RRP12: variants seen among roughly 807,000 people sequenced by gnomAD.
The protein encoded by RRP12 is RRP12-like protein.
RRP12 carries 78 observed loss-of-function variants against 157.3 expected under a neutral mutation model. That is an observed-to-expected ratio of 0.50 (90% CI 0.41 to 0.60). The LOEUF (loss-of-function observed/expected upper bound fraction) is 0.60, where lower values mean the gene tolerates loss of function less well. Ranked by LOEUF, RRP12 falls within the 20% of genes least tolerant of loss-of-function variation. The probability of loss-of-function intolerance (pLI) is 0.00; values close to 1 mark genes in which losing one functional copy is unlikely to be tolerated. For synonymous variants in RRP12, 726 were observed against 670.9 expected, an observed-to-expected ratio of 1.08 and a Z score of -1.27; for missense variants, 1,521 against 1,679.9, an observed-to-expected ratio of 0.91 and a Z score of 1.65.
In RRP12 at chr10:97,373,144, T is replaced by C; in HGVS notation, c.2083A>G (p.Asn695Asp). The C allele has an allele frequency of 6.2e-7, 1 of 1,614,134 alleles. No homozygotes were observed. The highest frequency in any genetic ancestry group is 1.7e-5 in the Admixed American group (1 of 60,024). ...GCTGCCACGGGCTGCCCATACAGGTTGAAGAGGATCGGCAGAAAGTTCTTG... is the reference window on the plus strand; with the variant it reads ...GCTGCCACGGGCTGCCCATACAGGTCGAAGAGGATCGGCAGAAAGTTCTTG... ...FAKNFLPILFNLYGQPVAAGD... is the reference protein window; with the variant it reads ...FAKNFLPILFDLYGQPVAAGD... The change falls in exon 18 of 34, where the codon AAC (asparagine) becomes GAC (aspartate). Residue 695 changes from asparagine to aspartate, a missense_variant. By Grantham distance (23) the Asn-to-Asp change is conservative. Transcript: ENST00000370992.
intron 24 of RRP12, among the ~76,000 whole-genome samples, chr10:97,369,842 A>C (rs903456253): frequency 6.6e-6 from 1 of 152,224 alleles, no homozygotes; most frequent in East Asian, 1.9e-4. Flanking sequence ...TCTAGGTCTC[A>C]TGTGGTTGCC....
chr10:97,373,433 G>T, intron 17 of RRP12, 142 bp downstream of exon 17: 1 of 1,065,014 alleles, frequency 9.4e-7, no homozygotes, highest in East Asian at 2.6e-5. Context: ...TATCCCCTGG[G>T]GTCTGCAGCA....
chr10:97,398,020 T>TAC (rs1845024399), intron 2 of RRP12, among the ~76,000 whole-genome samples: 1 of 72,978 alleles, frequency 1.4e-5, no homozygotes, highest in Non-Finnish European at 2.9e-5. Context: ...TATATATATA[T>TAC]ATGTATATAT....
intron 4 of RRP12, chr10:97,393,448 A>G: frequency 3.0e-6 from 2 of 662,982 alleles, no homozygotes; most frequent in Non-Finnish European, 5.6e-6. Flanking sequence ...CCTTCTTGGC[A>G]TAAAGGTAAA....
chr10:97,364,704 G>A (rs906841476), intron 29 of RRP12, among the ~76,000 whole-genome samples: 6 of 152,202 alleles, frequency 3.9e-5, no homozygotes, highest in Non-Finnish European at 4.4e-5. Flanking sequence ...GTGACAGAGC[G>A]AGACTCTATC....
At chr10:97,378,387 T>C (rs1844369268) in intron 15 of RRP12, among the ~76,000 whole-genome samples, 3 of 152,218 alleles carry the variant, frequency 2.0e-5, no homozygotes, top group Non-Finnish European at 4.4e-5. Context: ...CTGGACAGCA[T>C]GTTGCTGTAC....
At chr10:97,377,329 C>T (rs1037048742) in intron 15 of RRP12, among the ~76,000 whole-genome samples, 2 of 151,904 alleles carry the variant, frequency 1.3e-5, no homozygotes, top group Admixed American at 6.6e-5. Context: ...CCAGCCTGGC[C>T]AACATGGTGA....
chr10:97,366,174 C>T lies in RRP12; in HGVS notation c.3451G>A (p.Asp1151Asn), dbSNP rs149984643. 2.6e-4 allele frequency: 415 copies of T among 1,610,268 alleles called. 1 individual carries two copies. In the South Asian group the frequency reaches 3.9e-3, roughly 15 times the overall value. Residue 1151 changes from aspartate (D) to asparagine (N), a missense_variant, in exon 29 of 34, where the codon GAT becomes AAT. By Grantham distance (23) the Asp-to-Asn change is conservative. Transcript: ENST00000370992. ...TCCTCCCTTATGATCAGCCGGCCAT[C>T]GGCGCTCACCTTGAAGCCGTGGTCC... ...KKDHGFKVSA[D>N]GRLIIREEAD... is the part of the protein sequence containing the mutation.
Position 97,388,247 on chromosome 10 carries a change from C to T in RRP12, c.1017+5G>A. On this transcript the variant is annotated splice_donor_5th_base_variant and intron_variant, in intron 8 of 33. Transcript: ENST00000370992. ...CCTTTCTCCAGCTTTTGGGCCTGAGCTCACCACATGGCTCAAGGTCATGAC... is the reference window on the plus strand; with the variant it reads ...CCTTTCTCCAGCTTTTGGGCCTGAGTTCACCACATGGCTCAAGGTCATGAC... 6.2e-7 allele frequency: 1 copy of T among 1,613,868 alleles called. No individual in the cohort carries two copies. The highest frequency in any genetic ancestry group is 8.5e-7 in the Non-Finnish European group (1 of 1,180,022).
intron 29 of RRP12, among the ~76,000 whole-genome samples, chr10:97,364,931 G>C (rs990384584): frequency 2.0e-5 from 3 of 152,174 alleles, no homozygotes; most frequent in Admixed American, 1.3e-4. Flanking sequence ...GGGGACAGGA[G>C]ATGGGAAAGT....
In RRP12 at chr10:97,388,571, G is replaced by T. The variant is rs537140850; in HGVS notation, c.807C>A (p.Phe269Leu). Residue 269 changes from phenylalanine (F) to leucine (L), a missense_variant, in exon 7 of 34, where the codon TTC (phenylalanine) becomes TTA (leucine). Transcript: ENST00000370992. ...GATGGGCAGGGGCCTTTTCAAACAT[G>T]AATTCACTGCCCTTGAGGACTGAGC... The part of the protein sequence containing the change: ...GVCSVLKGSE[F>L]MFEKAPAHHP... The T allele has an allele frequency of 6.2e-7, 1 of 1,614,174 alleles. No individual in the cohort carries two copies. The highest frequency in any genetic ancestry group is 2.2e-5 in the East Asian group (1 of 44,878).
intron 15 of RRP12, among the ~76,000 whole-genome samples, chr10:97,374,503 T>C (rs1001672792): frequency 1.3e-5 from 2 of 149,760 alleles, no homozygotes; most frequent in African/African-American, 4.9e-5. Context: ...CTGGGTGCAG[T>C]GGCTCACACC....
At chr10:97,367,721 G>A (rs777112181) in intron 25 of RRP12, among the ~76,000 whole-genome samples, 1 of 152,182 alleles carries the variant, frequency 6.6e-6, no homozygotes, top group Non-Finnish European at 1.5e-5. Flanking sequence ...CCGGCTAGGG[G>A]ATAGGGTCCA....
At chr10:97,380,972 A>G (rs895920260) in intron 12 of RRP12, 59 bp from the exon 13 acceptor site, 19 of 1,407,722 alleles carry the variant, frequency 1.3e-5, no homozygotes, top group Non-Finnish European at 1.9e-5. Flanking sequence ...CCCCCACCAG[A>G]GAAAGTCAAC....
At chr10:97,381,029 GC>G in intron 12 of RRP12, 116 bp from the exon 13 acceptor site, 1 of 753,570 alleles carries the variant, frequency 1.3e-6, no homozygotes, top group Non-Finnish European at 2.2e-6. Context: ...CAAGAATGGG[GC>G]CCCAGGAGAG....
Position 97,373,644 on chromosome 10 carries a change from C to A in RRP12, c.1957G>T (p.Glu653Ter). Residue 653 changes from glutamate to a stop codon, truncating the protein, a stop_gained, in exon 17 of 34, where the codon GAG (glutamate) becomes TAG (stop). Coordinates refer to ENST00000370992, the MANE Select transcript of RRP12 (RefSeq NM_015179.4). LOFTEE classifies it high-confidence loss of function. ...LARTLGMAIS[E>*]RPDLRVTVCQ... ...ACGGTGACCCTCAGGTCTGGACGCT[C>A]GCTGATGGCCATGCCCAGCGTCCGT... The A allele has an allele frequency of 1.2e-6, 2 of 1,613,736 alleles. No individual in the cohort carries two copies. Among genetic ancestry groups the A allele is most frequent in the Non-Finnish European group, 1.7e-6 (2 of 1,179,900 alleles).
In RRP12 at chr10:97,366,147, CCTCCTCCCTTATGA is replaced by C; in HGVS notation, c.3464_3477del (p.Ile1155SerfsTer17). Reference sequence around the variant, plus strand: ...TCTTCCTCCATCTTGTTGCCGTCTGCCTCCTCCCTTATGATCAGCCGGCCATCGGCGCTCACCTT... The same window carrying C: ...TCTTCCTCCATCTTGTTGCCGTCTGCTCAGCCGGCCATCGGCGCTCACCTT... On this transcript the variant is annotated frameshift_variant, in exon 29 of 34. Coordinates refer to ENST00000370992, the MANE Select transcript of RRP12 (RefSeq NM_015179.4). LOFTEE classifies it high-confidence loss of function. The C allele has an allele frequency of 6.2e-7, 1 of 1,606,548 alleles. No individual in the cohort carries two copies.
At position 97,373,656 on chromosome 10, in the gene RRP12, T is replaced by A; in HGVS notation, c.1945A>T (p.Met649Leu). The change falls in exon 17 of 34, where the codon ATG becomes TTG. Residue 649 changes from methionine to leucine, a missense_variant. Transcript: ENST00000370992. Reference protein sequence around the residue: ...SFKGLARTLGMAISERPDLRV... With the variant: ...SFKGLARTLGLAISERPDLRV... ...AGGTCTGGACGCTCGCTGATGGCCA[T>A]GCCCAGCGTCCGTGCCAGCCCTTTG... The A allele has an allele frequency of 6.2e-7, 1 of 1,613,880 alleles. No individual in the cohort carries two copies. The highest frequency in any genetic ancestry group is 1.1e-5 in the South Asian group (1 of 91,064).
At chr10:97,371,862 C>T (rs989954828) in intron 20 of RRP12, 10 of 507,754 alleles carry the variant, frequency 2.0e-5, no homozygotes, top group Non-Finnish European at 3.2e-5. Context: ...GCACGCAAGG[C>T]CTAAGCACAG....
Sources: gnomAD v4.1 joint callset for allele counts (sites outside exome capture counted in the v4.1 genomes callset) on GRCh38, gnomAD v4.1.1 for gene constraint, MANE v1.5 for transcripts, NCBI Gene and HGNC (gene_info 2026-07-23, HGNC 2026-07-21) for gene names.